The following RAPGEF6 variants were observed in gnomAD, a reference collection of about 807,000 sequenced individuals.
RAPGEF6 encodes the protein PDZ domain containing guanine nucleotide exchange factor (GEF) 2.
In RAPGEF6, 56 loss-of-function variants were observed where a neutral mutation model predicts 171.4. That is an observed-to-expected ratio of 0.33 (90% CI 0.26 to 0.41). The LOEUF is 0.41. RAPGEF6 is among the 10% of genes least tolerant of loss of function. RAPGEF6 has a pLI of 1.00. For missense variants in RAPGEF6, 1,674 were observed against 1,921.4 expected, an observed-to-expected ratio of 0.87 and a Z score of 2.41; for synonymous variants, 692 against 650.1, an observed-to-expected ratio of 1.06 and a Z score of -0.98.
intron 21 of RAPGEF6, among the ~76,000 whole-genome samples, chr5:131,452,713 G>C (rs1753184656): frequency 6.6e-6 from 1 of 150,700 alleles, no homozygotes; most frequent in East Asian, 1.9e-4. Context: ...TGATCCGCCT[G>C]CCTCGGCCTC....
At chr5:131,591,721 G>A (rs1244000805) in intron 4 of RAPGEF6, among the ~76,000 whole-genome samples, 1 of 152,116 alleles carries the variant, frequency 6.6e-6, no homozygotes, top group Non-Finnish European at 1.5e-5. Context: ...CACATAACTA[G>A]TGATGGAATC....
At chr5:131,446,918 A>G (rs113708266) in intron 21 of RAPGEF6, 228 of 513,082 alleles carry the variant, frequency 4.4e-4, no homozygotes, top group African/African-American at 3.6e-3. Flanking sequence ...AAAGAATAGG[A>G]TAACAATGGC....
At chr5:131,557,503 T>A (rs1173322855) in intron 5 of RAPGEF6, among the ~76,000 whole-genome samples, 2 of 152,206 alleles carry the variant, frequency 1.3e-5, no homozygotes, top group African/African-American at 2.4e-5. Context: ...ATACAAATCA[T>A]GTCATCTGTA....
intron 6 of RAPGEF6, among the ~76,000 whole-genome samples, chr5:131,541,400 A>C (rs1760133121): frequency 6.6e-6 from 1 of 152,232 alleles, no homozygotes; most frequent in African/African-American, 2.4e-5. Flanking sequence ...AGAGAACAGG[A>C]CCAAAGTTAG....
chr5:131,501,296 AC>A (rs1422004310), intron 11 of RAPGEF6, among the ~76,000 whole-genome samples: 3 of 151,730 alleles, frequency 2.0e-5, no homozygotes, highest in Non-Finnish European at 4.4e-5. Flanking sequence ...AGATCGTGCC[AC>A]TGCACTCCAG....
At chr5:131,440,838 C>T (rs1280130676) in intron 23 of RAPGEF6, among the ~76,000 whole-genome samples, 2 of 150,540 alleles carry the variant, frequency 1.3e-5, no homozygotes, top group East Asian at 2.0e-4. Flanking sequence ...CCAGAGCTAA[C>T]TTTGTCCCTC....
intron 14 of RAPGEF6, among the ~76,000 whole-genome samples, chr5:131,490,960 T>C (rs1756238988): frequency 6.6e-6 from 1 of 152,310 alleles, no homozygotes; most frequent in East Asian, 1.9e-4. Flanking sequence ...GTAACAATAA[T>C]GTAGATCTAA....
chr5:131,426,120 G>A lies in RAPGEF6; in HGVS notation c.*1146C>T, dbSNP rs958633998. Reference sequence around the variant, plus strand: ...AAGGGCTAAAAACTGAGAACCAAGAGACAATCATTTCTGTAACTCCAGCTC... The same window carrying A: ...AAGGGCTAAAAACTGAGAACCAAGAAACAATCATTTCTGTAACTCCAGCTC... On this transcript the variant is annotated 3_prime_UTR_variant, in exon 28 of 28. Coordinates refer to ENST00000509018, the MANE Select transcript of RAPGEF6 (RefSeq NM_016340.6). 2.0e-5 allele frequency: 3 copies of A among 152,166 alleles called. 1 individual carries two copies. The highest frequency in any genetic ancestry group is 7.2e-5 in the African/African-American group (3 of 41,402). The allele number at this position is 152,166 out of a possible 1,614,324, so 9.4% of individuals were successfully genotyped here.
At chr5:131,467,449 G>A (rs553591510) in intron 17 of RAPGEF6, among the ~76,000 whole-genome samples, 84 of 152,292 alleles carry the variant, frequency 5.5e-4, no homozygotes, top group Middle Eastern at 3.4e-3. Context: ...CTTTCTCTGC[G>A]TTAATATTAA....
chr5:131,544,855 G>T (rs1325076520), intron 6 of RAPGEF6, among the ~76,000 whole-genome samples: 1 of 152,050 alleles, frequency 6.6e-6, no homozygotes, highest in Non-Finnish European at 1.5e-5. Flanking sequence ...GCTAATTTTT[G>T]TATTTTCAGG....
intron 4 of RAPGEF6, among the ~76,000 whole-genome samples, chr5:131,564,462 G>A (rs1401225116): frequency 1.3e-5 from 2 of 152,046 alleles, no homozygotes; most frequent in South Asian, 2.1e-4. Flanking sequence ...CTGAACTTGC[G>A]CAAATACATT....
At chr5:131,478,515 C>G (rs1755259414) in intron 16 of RAPGEF6, among the ~76,000 whole-genome samples, 1 of 152,194 alleles carries the variant, frequency 6.6e-6, no homozygotes, top group Non-Finnish European at 1.5e-5. Flanking sequence ...TTCTCTTGCT[C>G]TGGCTCTAGT....
intron 3 of RAPGEF6, 112 bp downstream of exon 3, chr5:131,603,159 A>G: frequency 1.3e-6 from 1 of 797,064 alleles, no homozygotes; most frequent in South Asian, 1.6e-5. Context: ...GTCTATGAAT[A>G]TTTTTCAGTG....
chr5:131,498,214 T>C (rs1347044238), intron 12 of RAPGEF6, among the ~76,000 whole-genome samples: 1 of 152,226 alleles, frequency 6.6e-6, no homozygotes, highest in Non-Finnish European at 1.5e-5. Context: ...CCTATAGCTA[T>C]ACCAGAGCTT....
chr5:131,558,814 A>G (rs942333404), intron 5 of RAPGEF6, among the ~76,000 whole-genome samples: 3 of 152,164 alleles, frequency 2.0e-5, no homozygotes, highest in Admixed American at 6.5e-5. Flanking sequence ...AAACTATAAA[A>G]TTTTAAATAC....
chr5:131,502,893 G>C (rs1357926581), intron 11 of RAPGEF6, among the ~76,000 whole-genome samples: 1 of 152,136 alleles, frequency 6.6e-6, no homozygotes, highest in Non-Finnish European at 1.5e-5. Flanking sequence ...CCGCCTCCTG[G>C]GTCCAGGCAA....
At chr5:131,471,958 AC>A in intron 17 of RAPGEF6, 1 of 152,518 alleles carries the variant, frequency 6.6e-6, no homozygotes, top group African/African-American at 2.4e-5. Flanking sequence ...TCTTTTCCAC[AC>A]CCTGGGTAAG....
chr5:131,461,589 A>G (rs1753938791), intron 19 of RAPGEF6, 116 bp downstream of exon 19: 2 of 1,006,702 alleles, frequency 2.0e-6, no homozygotes, highest in Non-Finnish European at 2.8e-6. Context: ...CAACACTTCA[A>G]TAAAGGCATA....
At chr5:131,463,763 A>G in intron 18 of RAPGEF6, 2 of 1,045,506 alleles carry the variant, frequency 1.9e-6, no homozygotes, top group Non-Finnish European at 2.3e-6. Flanking sequence ...TACTGGCCAT[A>G]TTAAAAACAA....
Sources: gnomAD v4.1 joint callset for allele counts (sites outside exome capture counted in the v4.1 genomes callset) on GRCh38, gnomAD v4.1.1 for gene constraint, MANE v1.5 for transcripts, NCBI Gene and HGNC (gene_info 2026-07-23, HGNC 2026-07-21) for gene names.